RARB: variants seen among roughly 807,000 people sequenced by gnomAD.
RARB encodes HBV-activated protein.
A neutral mutation model predicts 51.9 loss-of-function variants in RARB; 17 were observed. The ratio of observed to expected loss-of-function variants is 0.33; its 90% CI spans 0.22 to 0.49. RARB has a LOEUF of 0.49. Among genes scored for constraint, RARB ranks in the 20% least tolerant of loss-of-function variants. The pLI is 0.99. For missense variants in RARB, 369 were observed against 550.8 expected, an observed-to-expected ratio of 0.67 and a Z score of 3.30; for synonymous variants, 215 against 195.4, an observed-to-expected ratio of 1.10 and a Z score of -0.84.
At chr3:25,492,579 T>C (rs887338858) in intron 2 of RARB, among the ~76,000 whole-genome samples, 4 of 152,220 alleles carry the variant, frequency 2.6e-5, no homozygotes, top group African/African-American at 9.6e-5. Context: ...GATTGAGAGC[T>C]GTGGTCTCTG....
chr3:24,953,125 C>G (rs1352710874), intron 2 of RARB, among the ~76,000 whole-genome samples: 5 of 152,054 alleles, frequency 3.3e-5, no homozygotes, highest in Non-Finnish European at 5.9e-5. Flanking sequence ...CATATAGATG[C>G]ACGTAGATAA....
At chr3:25,522,372 C>T (rs759232144) in intron 3 of RARB, among the ~76,000 whole-genome samples, 22 of 152,114 alleles carry the variant, frequency 1.4e-4, no homozygotes, top group Non-Finnish European at 2.4e-4. Context: ...GCACGTTTTA[C>T]GAGTAGGTGG....
intron 5 of RARB, among the ~76,000 whole-genome samples, chr3:25,279,916 G>A (rs1318385989): frequency 6.6e-6 from 1 of 152,200 alleles, no homozygotes; most frequent in Non-Finnish European, 1.5e-5. Flanking sequence ...AAGTGCCTCA[G>A]GAGGCAAGAC....
At chr3:25,351,628 T>C (rs1385215837) in intron 5 of RARB, among the ~76,000 whole-genome samples, 2 of 152,162 alleles carry the variant, frequency 1.3e-5, no homozygotes, top group African/African-American at 4.8e-5. Flanking sequence ...CGGAAGACAC[T>C]TGGGCGTTTT....
chr3:25,576,273 G>A (rs1247843392), intron 4 of RARB, among the ~76,000 whole-genome samples: 5 of 152,142 alleles, frequency 3.3e-5, no homozygotes, highest in Non-Finnish European at 5.9e-5. Flanking sequence ...AAAGCAGTTC[G>A]AAGAAGGTGG....
intron 3 of RARB, among the ~76,000 whole-genome samples, chr3:25,081,417 T>C (rs1698991258): frequency 1.3e-5 from 2 of 150,708 alleles, no homozygotes; most frequent in African/African-American, 4.9e-5. Flanking sequence ...GCTTTTTAAA[T>C]ATCATTTGGA....
chr3:25,066,402 G>C (rs1268823192), intron 3 of RARB, among the ~76,000 whole-genome samples: 1 of 152,082 alleles, frequency 6.6e-6, no homozygotes, highest in Non-Finnish European at 1.5e-5. Context: ...TTTAATATTT[G>C]AGAATCAGGA....
chr3:25,169,431 G>A (rs1006638270), intron 4 of RARB, among the ~76,000 whole-genome samples: 32 of 152,022 alleles, frequency 2.1e-4, no homozygotes, highest in Admixed American at 1.3e-4. Flanking sequence ...AATTATTCAC[G>A]GATATAAAGA....
intron 5 of RARB, among the ~76,000 whole-genome samples, chr3:25,230,366 A>G (rs1432054760): frequency 6.6e-6 from 1 of 152,074 alleles, no homozygotes. Flanking sequence ...TCATGAAATT[A>G]TAAATAAAAA....
intron 2 of RARB, among the ~76,000 whole-genome samples, chr3:24,865,391 G>A (rs1702827694): frequency 6.6e-6 from 1 of 152,074 alleles, no homozygotes; most frequent in African/African-American, 2.4e-5. Flanking sequence ...TTTTTTTTAT[G>A]CCAAGCATCT....
At chr3:24,973,414 T>A (rs998297543) in intron 2 of RARB, among the ~76,000 whole-genome samples, 2 of 152,106 alleles carry the variant, frequency 1.3e-5, no homozygotes, top group African/African-American at 4.8e-5. Context: ...GCCCCCAACT[T>A]ACTTCTTTTT....
chr3:25,160,523 G>A (rs1700457460), intron 4 of RARB, among the ~76,000 whole-genome samples: 1 of 152,122 alleles, frequency 6.6e-6, no homozygotes, highest in African/African-American at 2.4e-5. Flanking sequence ...TTTCCACTAT[G>A]TGTGAAAAAC....
At chr3:25,137,538 T>G (rs1700049137) in intron 4 of RARB, among the ~76,000 whole-genome samples, 1 of 152,052 alleles carries the variant, frequency 6.6e-6, no homozygotes, top group Non-Finnish European at 1.5e-5. Flanking sequence ...GGAGTTTTGA[T>G]TTTAGTAGAA....
intron 5 of RARB, among the ~76,000 whole-genome samples, chr3:25,409,290 CTT>C (rs1480422306): frequency 6.6e-6 from 1 of 152,144 alleles, no homozygotes; most frequent in Non-Finnish European, 1.5e-5. Flanking sequence ...ATACAACTGA[CTT>C]TTCTTTTGTC....
At chr3:25,142,952 T>C (rs555695125) in intron 4 of RARB, among the ~76,000 whole-genome samples, 2 of 152,144 alleles carry the variant, frequency 1.3e-5, no homozygotes, top group African/African-American at 4.8e-5. Context: ...ATAAAATACA[T>C]ATTATATTTA....
chr3:25,221,996 G>T (rs1353282966), intron 5 of RARB, among the ~76,000 whole-genome samples: 1 of 152,186 alleles, frequency 6.6e-6, no homozygotes, highest in Non-Finnish European at 1.5e-5. Context: ...TTAGAGATGA[G>T]TTCTTCTGAA....
intron 5 of RARB, among the ~76,000 whole-genome samples, chr3:25,276,836 G>A (rs1223828217): frequency 6.6e-6 from 1 of 152,110 alleles, no homozygotes; most frequent in Non-Finnish European, 1.5e-5. Context: ...GACAGGTCTC[G>A]GGATCAAAAG....
chr3:24,980,939 A>G (rs566653619), intron 2 of RARB, among the ~76,000 whole-genome samples: 3 of 152,184 alleles, frequency 2.0e-5, no homozygotes, highest in South Asian at 2.1e-4. Flanking sequence ...TGACCTGCAG[A>G]TGGGGTTTTG....
At chr3:25,531,033 A>G (rs1340000406) in intron 3 of RARB, among the ~76,000 whole-genome samples, 1 of 152,226 alleles carries the variant, frequency 6.6e-6, no homozygotes, top group African/African-American at 2.4e-5. Flanking sequence ...ATTGCCGGAA[A>G]CACAGGTGGA....
Sources: allele counts gnomAD v4.1 joint callset (sites outside exome capture counted in the v4.1 genomes callset), GRCh38; gene constraint gnomAD v4.1.1; transcripts MANE v1.5; gene names NCBI Gene and HGNC (gene_info 2026-07-23, HGNC 2026-07-21).